USP48: variants seen among roughly 807,000 people sequenced by gnomAD.
The protein encoded by USP48 is ubiquitin carboxyl-terminal hydrolase 48.
Under a neutral mutation model 150.7 loss-of-function variants are expected in USP48, and 43 were observed. The observed-to-expected ratio is 0.29, with a 90% CI of 0.22 to 0.37. The LOEUF (loss-of-function observed/expected upper bound fraction) is 0.37, where lower values mean the gene tolerates loss of function less well. USP48 is among the 10% of genes least tolerant of loss of function. The pLI, the probability that USP48 is intolerant of heterozygous loss-of-function variation, is 1.00. For missense variants in USP48, 813 were observed against 1,249.6 expected (o/e 0.65, Z 5.27); for synonymous variants, 396 against 425.9 (o/e 0.93, Z 0.86).
chr1:21,679,252 A>T lies in USP48; in HGVS notation c.*165T>A. 4.5e-6 allele frequency: 3 copies of T among 664,870 alleles called. No homozygotes were observed. The highest frequency in any genetic ancestry group is 7.5e-6 in the Non-Finnish European group (3 of 401,620). 41.2% of individuals were successfully genotyped at this position (664,870 alleles called of 1,614,324 possible). ...GATGTCCATCAGTGCAATCTGCTTTATTTGACATAAGGCATTTGGGACAGT... is the reference window on the plus strand; with the variant it reads ...GATGTCCATCAGTGCAATCTGCTTTTTTTGACATAAGGCATTTGGGACAGT... On this transcript the variant is annotated 3_prime_UTR_variant, in exon 27 of 27. Coordinates refer to ENST00000308271, the MANE Select transcript of USP48 (RefSeq NM_032236.8).
intron 9 of USP48, among the ~76,000 whole-genome samples, chr1:21,730,588 G>A (rs1477728791): frequency 6.6e-6 from 1 of 151,632 alleles, no homozygotes; most frequent in Non-Finnish European, 1.5e-5. Context: ...CAGCTATTCG[G>A]GAGCCTGAGG....
intron 1 of USP48, among the ~76,000 whole-genome samples, chr1:21,762,865 CAAAAA>C (rs34834573): frequency 2.6e-5 from 2 of 76,350 alleles, no homozygotes; most frequent in Non-Finnish European, 5.4e-5. Context: ...GACTTCATCT[CAAAAA>C]AAAAAAAAAA....
At chr1:21,696,025 C>T (rs1379791749) in intron 22 of USP48, among the ~76,000 whole-genome samples, 1 of 152,052 alleles carries the variant, frequency 6.6e-6, no homozygotes, top group Non-Finnish European at 1.5e-5. Flanking sequence ...TTTCAATTTA[C>T]AGAAATTGGA....
At chr1:21,766,812 C>A (rs940311990) in intron 1 of USP48, among the ~76,000 whole-genome samples, 13 of 151,986 alleles carry the variant, frequency 8.6e-5, no homozygotes, top group Non-Finnish European at 2.9e-5. Context: ...ATGCCTGTAA[C>A]CCAGCACTTT....
At chr1:21,706,076 G>C (rs764422643) in intron 18 of USP48, 50 bp downstream of exon 18, 23 of 1,580,686 alleles carry the variant, frequency 1.5e-5, no homozygotes, top group Non-Finnish European at 1.9e-5. Flanking sequence ...AAATACCAGA[G>C]TCAACCAAAT....
intron 22 of USP48, among the ~76,000 whole-genome samples, chr1:21,701,220 G>A (rs1348099252): frequency 6.6e-6 from 1 of 151,672 alleles, no homozygotes; most frequent in Non-Finnish European, 1.5e-5. Flanking sequence ...TAAAAAATTA[G>A]CCGGGTGTGG....
chr1:21,706,350 T>C, intron 17 of USP48, 117 bp downstream of exon 17: 2 of 1,531,756 alleles, frequency 1.3e-6, no homozygotes, highest in Admixed American at 3.9e-5. Flanking sequence ...CCTGGTTAGA[T>C]AACTAAACAA....
chr1:21,720,631 G>A (rs56332388), intron 14 of USP48, among the ~76,000 whole-genome samples: 17,109 of 151,688 alleles, frequency 0.11, 1,172 homozygotes, highest in African/African-American at 0.18. Context: ...GGGTTCAATC[G>A]ATTCTACTGC....
At chr1:21,690,764 A>G (rs545095358) in intron 23 of USP48, among the ~76,000 whole-genome samples, 1 of 152,224 alleles carries the variant, frequency 6.6e-6, no homozygotes, top group African/African-American at 2.4e-5. Context: ...CTTAGACTCA[A>G]GCAATCCTCC....
intron 1 of USP48, among the ~76,000 whole-genome samples, chr1:21,771,085 C>A (rs947574384): frequency 6.6e-6 from 1 of 152,084 alleles, no homozygotes; most frequent in Non-Finnish European, 1.5e-5. Flanking sequence ...AAGATCGTGG[C>A]ACTGCACTCC....
intron 1 of USP48, among the ~76,000 whole-genome samples, chr1:21,779,500 GGCGCCACTGCACTCCA>G (rs1377500709): frequency 1.3e-5 from 2 of 151,620 alleles, no homozygotes. Context: ...GAGCCGAGAT[GGCGCCACTGCACTCCA>G]GCCTGGGCAA....
Position 21,766,162 on chromosome 1 carries a change from G to T in USP48, c.135-8379C>A, listed in dbSNP as rs569643649. Among the ~76,000 whole-genome samples, 12 of 152,222 alleles carry T rather than the reference G, an allele frequency of 7.9e-5. No individual in the cohort carries two copies. In the East Asian group the frequency reaches 1.9e-3, roughly 24 times the overall value. On this transcript the variant is annotated intron_variant, in intron 1 of 26. Coordinates refer to ENST00000308271, the MANE Select transcript of USP48 (RefSeq NM_032236.8). ...GCGGGAGGATCACTTGAGGCTAGGA[G>T]TTCAAGACCAGCCTGGCCAACGTGG... is the stretch of plus-strand genomic sequence containing the variant.
rs768847157 is a variant in USP48, at chr1:21,706,564, T to C, written c.2114A>G (p.Asn705Ser). ...CKILEREGEENEALHKMIANE... is the reference protein window; with the variant it reads ...CKILEREGEESEALHKMIANE... ...TGCAATCATCTTATGTAAGGCTTCA[T>C]TTTCTTCCCCTTCTCTTTCTAAAAT... Residue 705 changes from asparagine to serine, a missense_variant, in exon 17 of 27, where the codon AAT (asparagine) becomes AGT (serine). Transcript: ENST00000308271. 2 of 1,614,188 alleles carry C rather than the reference T, an allele frequency of 1.2e-6. No individual in the cohort carries two copies. Among genetic ancestry groups the C allele is most frequent in the Admixed American group, 1.7e-5 (1 of 60,016 alleles).
At chr1:21,780,557 G>C (rs2097911712) in intron 1 of USP48, among the ~76,000 whole-genome samples, 1 of 151,842 alleles carries the variant, frequency 6.6e-6, no homozygotes, top group Non-Finnish European at 1.5e-5. Flanking sequence ...GTATTTCCCA[G>C]GTATTTTTTT....
intron 1 of USP48, among the ~76,000 whole-genome samples, chr1:21,774,704 AAG>A (rs766240252): frequency 1.3e-5 from 2 of 151,092 alleles, no homozygotes; most frequent in Non-Finnish European, 2.9e-5. Context: ...CAAACGAAAA[AAG>A]AATAGCCAGG....
intron 1 of USP48, among the ~76,000 whole-genome samples, chr1:21,769,407 G>A (rs1256842984): frequency 1.3e-5 from 2 of 151,566 alleles, no homozygotes; most frequent in East Asian, 3.9e-4. Flanking sequence ...GAGGAGGGAG[G>A]GGAGCAGAAA....
At chr1:21,729,640 C>A in intron 10 of USP48, 64 bp downstream of exon 10, 1 of 1,562,900 alleles carries the variant, frequency 6.4e-7, no homozygotes. Flanking sequence ...CATTACTTAT[C>A]ATTAATCTTT....
Position 21,679,909 on chromosome 1 carries a change from G to A in USP48, c.3086-470C>T, listed in dbSNP as rs530437226. ...GGGTTTCACCATGTTGGCCAGACTG[G>A]TCTCGAACTCCTGACCTCAAGTGAC... On this transcript the variant is annotated intron_variant, in intron 26 of 26. Coordinates refer to ENST00000308271, the MANE Select transcript of USP48 (RefSeq NM_032236.8). Among the ~76,000 whole-genome samples the A allele has an allele frequency of 3.9e-5, 6 of 152,056 alleles. No homozygotes were observed. In the South Asian group the frequency reaches 1.2e-3, roughly 32 times the overall value.
rs2097813844 is a variant in USP48 at position 21,751,547 on chromosome 1, C to T, written c.734G>A (p.Gly245Asp). 2 of 1,613,696 alleles carry T rather than the reference C, an allele frequency of 1.2e-6. No individual in the cohort carries two copies. Among genetic ancestry groups the T allele is most frequent in the Non-Finnish European group, 1.7e-6 (2 of 1,179,958 alleles). ...KFYELELNIQ[G>D]HKQLTDCISE... is the part of the protein sequence containing the mutation. ...GATACAATCTGTTAACTGTTTGTGG[C>T]CTTGGATATTTAACTCCAGCTCATA... Residue 245 changes from glycine to aspartate, a missense_variant, in exon 6 of 27, where the codon GGC (glycine) becomes GAC (aspartate). Physicochemically the swap from Gly to Asp is moderately conservative, Grantham distance 94. Coordinates refer to ENST00000308271, the MANE Select transcript of USP48 (RefSeq NM_032236.8).
Sources: allele counts gnomAD v4.1 joint callset (sites outside exome capture counted in the v4.1 genomes callset), GRCh38; gene constraint gnomAD v4.1.1; transcripts MANE v1.5; gene names NCBI Gene and HGNC (gene_info 2026-07-23, HGNC 2026-07-21).